Variants in HADHA observed in about 807,000 individuals in gnomAD.
HADHA encodes hydroxyacyl-CoA dehydrogenase trifunctional multienzyme complex subunit alpha.
HADHA carries 59 observed loss-of-function variants against 91.3 expected under a neutral mutation model. The ratio of observed to expected loss-of-function variants is 0.65; its 90% CI spans 0.52 to 0.80. The LOEUF is 0.80. Ranked by LOEUF, HADHA falls within the 30% of genes least tolerant of loss-of-function variation. The pLI is 0.00. For synonymous variants in HADHA, 320 were observed against 338.9 expected, an observed-to-expected ratio of 0.94 and a Z score of 0.61; for missense variants, 800 against 927.6, an observed-to-expected ratio of 0.86 and a Z score of 1.79.
intron 6 of HADHA, among the ~76,000 whole-genome samples, chr2:26,231,810 A>G (rs866645832): frequency 5.9e-5 from 9 of 152,060 alleles, no homozygotes; most frequent in Middle Eastern, 3.4e-3. Flanking sequence ...CTACTAAAAA[A>G]TATAAAAAAT....
intron 14 of HADHA, among the ~76,000 whole-genome samples, chr2:26,196,936 T>C (rs756785701): frequency 2.0e-5 from 3 of 152,230 alleles, no homozygotes; most frequent in African/African-American, 4.8e-5. Context: ...CCGCATCACT[T>C]CTAATCTGCT....
rs962512954 is a variant in HADHA, at chr2:26,191,067, C to A, written c.*183G>T. 5 of 668,158 alleles carry A rather than the reference C, an allele frequency of 7.5e-6. No individual in the cohort carries two copies. The Middle Eastern group carries it at 1.2e-3, about 158-fold the overall frequency. The allele number at this position is 668,158 out of a possible 1,614,324, so 41.4% of individuals were successfully genotyped here. Reference sequence around the variant, plus strand: ...TTCCAACAGGAAGTGCAAACTAATTCGAAGTCACACTTCACCAGGAGGGAG... The same window carrying A: ...TTCCAACAGGAAGTGCAAACTAATTAGAAGTCACACTTCACCAGGAGGGAG... On this transcript the variant is annotated 3_prime_UTR_variant, in exon 20 of 20. Coordinates refer to ENST00000380649, the MANE Select transcript of HADHA (RefSeq NM_000182.5).
chr2:26,238,593 T>C (rs1474940029), intron 3 of HADHA, among the ~76,000 whole-genome samples: 2 of 152,206 alleles, frequency 1.3e-5, no homozygotes, highest in African/African-American at 2.4e-5. Context: ...GAAAATGGAT[T>C]AACAACCTCA....
At chr2:26,219,405 C>A (rs1364365234) in intron 7 of HADHA, among the ~76,000 whole-genome samples, 1 of 152,086 alleles carries the variant, frequency 6.6e-6, no homozygotes, top group Admixed American at 6.6e-5. Context: ...GGATTACAGG[C>A]GTGAGCCACT....
rs546238690 is a variant in HADHA at position 26,237,483 on chromosome 2, C to T, written c.181-495G>A. On this transcript the variant is annotated intron_variant, in intron 3 of 19. Transcript: ENST00000380649. ...CTCTACAGAAAATACAAAAATTAGC[C>T]GGGCCTGACAGCACACGCCTATAGT... Among the ~76,000 whole-genome samples, 7 of 152,104 alleles carry T rather than the reference C, an allele frequency of 4.6e-5. No individual in the cohort carries two copies. The South Asian group carries it at 1.2e-3, about 27-fold the overall frequency.
chr2:26,222,170 G>C (rs947800427), intron 7 of HADHA, among the ~76,000 whole-genome samples: 1 of 152,136 alleles, frequency 6.6e-6, no homozygotes. Flanking sequence ...GAAAAAATTT[G>C]GAAACACAAA....
rs1382449531 is a variant in HADHA, at chr2:26,229,474, T to C, written c.676+718A>G. ...ACACACAAGTCAGAATAGTGGCTTC[T>C]TTGGATAAAGGGAGGCAAAGAAACT... On this transcript the variant is annotated intron_variant, in intron 7 of 19. Transcript: ENST00000380649. This position sits in a 1 kb window ranked among gnomAD's most constrained non-coding sequence, Gnocchi z 4.3. Among the ~76,000 whole-genome samples the C allele has an allele frequency of 6.6e-6, 1 of 152,094 alleles. No homozygotes were observed.
chr2:26,211,992 G>C (rs1390808295), intron 10 of HADHA: 1 of 152,942 alleles, frequency 6.5e-6, no homozygotes, highest in Non-Finnish European at 1.5e-5. Flanking sequence ...GACTTGTTTT[G>C]AAAGGATTAG....
intron 4 of HADHA, among the ~76,000 whole-genome samples, chr2:26,236,359 G>GTGTGTGTGTATATATA (rs141555532): frequency 1.5e-5 from 2 of 137,872 alleles, no homozygotes; most frequent in African/African-American, 5.4e-5. Flanking sequence ...GTGTGTGTGT[G>GTGTGTGTGTATATATA]TATATATATA....
At chr2:26,215,361 C>T (rs1407574466) in intron 7 of HADHA, among the ~76,000 whole-genome samples, 186 bp from the exon 8 acceptor site, 1 of 152,120 alleles carries the variant, frequency 6.6e-6, no homozygotes, top group Non-Finnish European at 1.5e-5. Context: ...AGAGGAGAAA[C>T]AATATGCTCT....
intron 1 of HADHA, among the ~76,000 whole-genome samples, chr2:26,241,992 C>T (rs1034855457): frequency 4.6e-5 from 7 of 151,992 alleles, no homozygotes; most frequent in African/African-American, 1.7e-4. Context: ...ACCTCCACCT[C>T]CTGGGTTCAA....
intron 13 of HADHA, among the ~76,000 whole-genome samples, chr2:26,198,098 A>C (rs893733264): frequency 3.3e-5 from 5 of 152,174 alleles, no homozygotes; most frequent in Non-Finnish European, 7.3e-5. Context: ...ACGGCCTTGA[A>C]TTGCAATTCA....
chr2:26,206,421 G>T (rs868835357), intron 11 of HADHA, among the ~76,000 whole-genome samples: 1 of 151,916 alleles, frequency 6.6e-6, no homozygotes, highest in African/African-American at 2.4e-5. Flanking sequence ...TAGAGATGGG[G>T]TTTCACCATG....
chr2:26,203,993 A>C (rs1669915191), intron 12 of HADHA, 69 bp downstream of exon 12: 1 of 1,493,512 alleles, frequency 6.7e-7, no homozygotes, highest in Non-Finnish European at 9.3e-7. Context: ...CCACCAAGCC[A>C]CCACAAAAAA....
At position 26,239,201 on chromosome 2, in the gene HADHA, T is replaced by G. The variant is rs935722693; in HGVS notation, c.68-58A>C. On this transcript the variant is annotated intron_variant, in intron 1 of 19. Transcript: ENST00000380649. ...GAAACAATTTCTGTAGTACCTTTTA[T>G]ATATAACAAAGCTGTAATTTACAAT... The G allele has an allele frequency of 9.2e-6, 10 of 1,088,756 alleles. No individual in the cohort carries two copies. In the African/African-American group the frequency reaches 1.5e-4, roughly 17 times the overall value. 67.4% of individuals were successfully genotyped at this position (1,088,756 alleles called of 1,614,324 possible).
rs755713464 is a variant in HADHA, at chr2:26,236,905, G to C, written c.264C>G (p.Ala88=). The part of the protein sequence containing the change: ...EIWASDQIRS[A]VLISSKPGCF... ...AGCCTGGCTTTGATGAGATAAGGAC[G>C]GCACTTCTGATTTGATCACTAGCCC... Residue 88 remains alanine, a synonymous_variant, in exon 4 of 20, where the codon GCC becomes GCG. Coordinates refer to ENST00000380649, the MANE Select transcript of HADHA (RefSeq NM_000182.5). 2 of 1,610,696 alleles carry C rather than the reference G, an allele frequency of 1.2e-6. No homozygotes were observed. The highest frequency in any genetic ancestry group is 3.3e-5 in the Admixed American group (2 of 60,010).
intron 4 of HADHA, among the ~76,000 whole-genome samples, chr2:26,234,920 A>G (rs1248883809): frequency 6.6e-6 from 1 of 152,182 alleles, no homozygotes; most frequent in African/African-American, 2.4e-5. Flanking sequence ...TTTCACTATC[A>G]GGTAGTTAAC....
Position 26,244,622 on chromosome 2 carries a change from A to G in HADHA, c.-26T>C, listed in dbSNP as rs1163208870. ...CTTGAGCTGAAGAGGACAGCAGTGG[A>G]GAGCGCCTCTAACGGGTGCGGCCGA... is the stretch of plus-strand genomic sequence containing the variant. On this transcript the variant is annotated 5_prime_UTR_variant, in exon 1 of 20. Coordinates refer to ENST00000380649, the MANE Select transcript of HADHA (RefSeq NM_000182.5). 1 of 1,563,698 alleles carries G rather than the reference A, an allele frequency of 6.4e-7. No individual in the cohort carries two copies. Among genetic ancestry groups the G allele is most frequent in the Non-Finnish European group, 8.7e-7 (1 of 1,153,522 alleles).
chr2:26,202,415 G>C (rs1489280726), intron 12 of HADHA, among the ~76,000 whole-genome samples: 1 of 152,074 alleles, frequency 6.6e-6, no homozygotes, highest in Non-Finnish European at 1.5e-5. Context: ...GCAAAATTAA[G>C]GCCACAAGAT....
Sources: gnomAD v4.1 joint callset for allele counts (sites outside exome capture counted in the v4.1 genomes callset) on GRCh38, gnomAD v4.1.1 for gene constraint, Gnocchi (gnomAD v3.1) non-coding constraint, MANE v1.5 for transcripts, NCBI Gene and HGNC (gene_info 2026-07-23, HGNC 2026-07-21) for gene names.